The following TUB variants were observed in gnomAD, a reference collection of about 807,000 sequenced individuals.
TUB encodes TUB bipartite transcription factor, also known as tubby protein homolog.
A neutral mutation model predicts 59.7 loss-of-function variants in TUB; 33 were observed. The observed-to-expected ratio is 0.55, with a 90% CI of 0.42 to 0.74. TUB has a LOEUF of 0.74. Among genes scored for constraint, TUB ranks in the 30% least tolerant of loss-of-function variants. The pLI, the probability that TUB is intolerant of heterozygous loss-of-function variation, is 0.00. For synonymous variants in TUB, 293 were observed against 256.4 expected (o/e 1.14, Z -1.36); for missense variants, 659 against 672.0 (o/e 0.98, Z 0.21).
intron 2 of TUB, chr11:8,075,679 G>A (rs1943436946): frequency 6.6e-6 from 1 of 151,698 alleles, no homozygotes; most frequent in African/African-American, 2.4e-5. Context: ...GTAACCAGAG[G>A]TTGTCTTGTC....
chr11:8,081,260 C>T lies in TUB; in HGVS notation c.-251C>T, dbSNP rs894183160. The T allele has an allele frequency of 3.4e-6, 2 of 593,312 alleles. No homozygotes were observed. Among genetic ancestry groups the T allele is most frequent in the African/African-American group, 2.0e-5 (1 of 49,552 alleles). 36.8% of individuals were successfully genotyped at this position (593,312 alleles called of 1,614,324 possible). On this transcript the variant is annotated 5_prime_UTR_variant, in exon 1 of 12. Transcript: ENST00000299506. ...CGCGGGACGGTGCGGTCGGCCTCCC[C>T]GCCTCCACGCGCGCGCACGACCCGC...
upstream of TUB, chr11:8,077,810 C>G (rs768194573): frequency 6.6e-6 from 1 of 152,158 alleles, no homozygotes; most frequent in African/African-American, 2.4e-5. Flanking sequence ...CTTGCCAGAC[C>G]GAAAGCTCCC....
rs182038623 is a variant in TUB at position 8,045,645 on chromosome 11, A to G, written c.203+5953A>G. ...GATTAGGGATGCTGAACCAGTAAGT[A>G]TAATACAAATATTCCAAAACTTGAA... is the stretch of plus-strand genomic sequence containing the variant. On this transcript the variant is annotated intron_variant, in intron 2 of 12. Coordinates refer to the TUB transcript ENST00000305253. Among the ~76,000 whole-genome samples, 150 of 152,388 alleles carry G rather than the reference A, an allele frequency of 9.8e-4. 1 individual carries two copies. Among genetic ancestry groups the G allele is most frequent in the African/African-American group, 3.5e-3 (144 of 41,596 alleles).
intron 9 of TUB, 121 bp downstream of exon 9, chr11:8,098,996 C>T (rs1306435283): frequency 2.6e-6 from 2 of 767,712 alleles, no homozygotes; most frequent in Non-Finnish European, 4.5e-6. Flanking sequence ...TGGAGAGGGG[C>T]TGTCCTCTGT....
intron 9 of TUB, among the ~76,000 whole-genome samples, chr11:8,100,176 T>C (rs1240244944): frequency 6.6e-6 from 1 of 152,108 alleles, no homozygotes; most frequent in Non-Finnish European, 1.5e-5. Context: ...TGGGTATAAT[T>C]GGAAGGTGGA....
At chr11:8,096,829 ACAG>A in intron 6 of TUB, 23 bp downstream of exon 6, 1 of 1,613,968 alleles carries the variant, frequency 6.2e-7, no homozygotes, top group Non-Finnish European at 8.5e-7. Context: ...GTCTGCATCC[ACAG>A]CAGTTTTTGG....
At chr11:8,055,900 C>T (rs915397959) in intron 2 of TUB, among the ~76,000 whole-genome samples, 4 of 152,200 alleles carry the variant, frequency 2.6e-5, no homozygotes, top group African/African-American at 9.6e-5. Context: ...ACTTCTGATC[C>T]CTCCCTGTGA....
intron 2 of TUB, among the ~76,000 whole-genome samples, chr11:8,064,141 G>A (rs897537803): frequency 2.6e-5 from 4 of 152,132 alleles, no homozygotes; most frequent in South Asian, 2.1e-4. Flanking sequence ...CAGAATGTAC[G>A]TCAGGGCCAT....
intron 1 of TUB, among the ~76,000 whole-genome samples, chr11:8,087,482 C>G (rs1943690033): frequency 6.6e-6 from 1 of 152,220 alleles, no homozygotes; most frequent in African/African-American, 2.4e-5. Context: ...GGCCAGGCCA[C>G]TGGCTTATGA....
chr11:8,105,680 TGCTTTCATCACTACCTTTATA>T lies in TUB; in HGVS notation c.*4065_*4085del, dbSNP rs971823482. On this transcript the variant is annotated 3_prime_UTR_variant, in exon 12 of 12. Coordinates refer to ENST00000299506, the MANE Select transcript of TUB (RefSeq NM_177972.3). ...TTTGGGGTGAATGAAAATTATTCCT[TGCTTTCATCACTACCTTTATA>T]GCTCTCATCACTACCTTTATAGCTC... The T allele has an allele frequency of 6.6e-6, 1 of 152,166 alleles. No homozygotes were observed. Among genetic ancestry groups the T allele is most frequent in the African/African-American group, 2.4e-5 (1 of 41,440 alleles). 9.4% of individuals were successfully genotyped at this position (152,166 alleles called of 1,614,324 possible).
intron 2 of TUB, among the ~76,000 whole-genome samples, chr11:8,049,561 G>GTATATA (rs372881525): frequency 0.019 from 2,398 of 124,076 alleles, 83 homozygotes; most frequent in African/African-American, 0.058. Context: ...GTATTATGTG[G>GTATATA]TATATATATA....
intron 1 of TUB, among the ~76,000 whole-genome samples, chr11:8,086,429 G>A (rs183450571): frequency 6.6e-6 from 1 of 152,240 alleles, no homozygotes; most frequent in African/African-American, 2.4e-5. Context: ...GGAGCTTTTG[G>A]TGCTGCTCTT....
chr11:8,072,387 C>T (rs543707508), intron 2 of TUB, among the ~76,000 whole-genome samples: 19 of 152,278 alleles, frequency 1.2e-4, no homozygotes, highest in African/African-American at 4.1e-4. Flanking sequence ...CCCTCATCTG[C>T]GGTGGGCGGC....
intron 9 of TUB, 24 bp downstream of exon 9, chr11:8,098,899 C>G: frequency 1.3e-6 from 2 of 1,539,648 alleles, no homozygotes; most frequent in Middle Eastern, 1.7e-4. Context: ...TCGGGGGTCT[C>G]TGATTTCCAA....
intron 1 of TUB, among the ~76,000 whole-genome samples, chr11:8,021,960 C>G (rs1203415491): frequency 1.3e-5 from 2 of 151,944 alleles, no homozygotes. Flanking sequence ...TTTCAGACCC[C>G]TACATAAAGA....
intron 2 of TUB, among the ~76,000 whole-genome samples, chr11:8,050,029 T>C (rs1374445602): frequency 6.6e-6 from 1 of 152,218 alleles, no homozygotes; most frequent in Non-Finnish European, 1.5e-5. Flanking sequence ...ATCCCGACTT[T>C]TAACATCATA....
intron 2 of TUB, among the ~76,000 whole-genome samples, chr11:8,063,621 C>G (rs907155222): frequency 2.0e-5 from 3 of 152,210 alleles, no homozygotes; most frequent in African/African-American, 7.2e-5. Context: ...AACCTTTGGG[C>G]TCCTTCCAAT....
intron 1 of TUB, among the ~76,000 whole-genome samples, chr11:8,086,659 C>G (rs982778040): frequency 1.3e-5 from 2 of 152,138 alleles, no homozygotes; most frequent in Non-Finnish European, 2.9e-5. Flanking sequence ...ACTCTCAGAG[C>G]CTCCCCATTT....
At chr11:8,019,292 C>T (rs1942382266) in exon 1 of TUB, 2 of 1,267,178 alleles carry the variant, frequency 1.6e-6, no homozygotes, top group Admixed American at 3.9e-5. Context: ...CGAGCGGAGC[C>T]GGAGGCGGCG....
Sources: gnomAD v4.1 joint callset for allele counts (sites outside exome capture counted in the v4.1 genomes callset) on GRCh38, gnomAD v4.1.1 for gene constraint, MANE v1.5 for transcripts, NCBI Gene and HGNC (gene_info 2026-07-23, HGNC 2026-07-21) for gene names.